Variants in AMPH observed in about 807,000 individuals in gnomAD.
AMPH encodes the protein amphiphysin.
AMPH carries 49 observed loss-of-function variants against 99.1 expected under a neutral mutation model. That is an observed-to-expected ratio of 0.49 (90% CI 0.39 to 0.63). The LOEUF is 0.63. Ranked by LOEUF, AMPH falls within the 20% of genes least tolerant of loss-of-function variation. The pLI is 0.00. For missense variants in AMPH, 759 were observed against 863.4 expected (o/e 0.88, Z 1.52); for synonymous variants, 314 against 317.3 (o/e 0.99, Z 0.11).
intron 1 of AMPH, among the ~76,000 whole-genome samples, chr7:38,613,818 A>AG (rs1264175636): frequency 6.6e-6 from 1 of 151,596 alleles, no homozygotes; most frequent in Non-Finnish European, 1.5e-5. Context: ...AAAAAAAAAA[A>AG]TAGCAGCTTC....
intron 4 of AMPH, among the ~76,000 whole-genome samples, chr7:38,492,868 T>G (rs1241836572): frequency 6.6e-6 from 1 of 152,230 alleles, no homozygotes; most frequent in Non-Finnish European, 1.5e-5. Context: ...TTGTGATGAA[T>G]TTTTAGTTAT....
intron 2 of AMPH, among the ~76,000 whole-genome samples, chr7:38,533,187 C>T (rs747708819): frequency 2.0e-4 from 31 of 152,140 alleles, no homozygotes; most frequent in Non-Finnish European, 3.7e-4. Context: ...TGTGAAGACC[C>T]TCTTCTCCTA....
At chr7:38,439,117 C>T (rs539997827) in intron 11 of AMPH, among the ~76,000 whole-genome samples, 1 of 152,256 alleles carries the variant, frequency 6.6e-6, no homozygotes, top group African/African-American at 2.4e-5. Context: ...TCTCTCCTGC[C>T]ACCATTTAAG....
chr7:38,604,601 G>A (rs1426453951), intron 1 of AMPH, among the ~76,000 whole-genome samples: 1 of 152,180 alleles, frequency 6.6e-6, no homozygotes. Context: ...TTCATCCCAT[G>A]GAGCCTCAGC....
intron 1 of AMPH, among the ~76,000 whole-genome samples, chr7:38,587,621 A>T (rs372950646): frequency 1.0e-3 from 159 of 152,336 alleles, no homozygotes; most frequent in African/African-American, 3.7e-3. Context: ...AATTCTTTGA[A>T]GAAAATATTT....
intron 14 of AMPH, chr7:38,429,542 C>T (rs1372282668): frequency 7.1e-7 from 1 of 1,404,406 alleles, no homozygotes; most frequent in Admixed American, 2.1e-5. Context: ...CCTCCATGAT[C>T]AGGTTACACA....
intron 5 of AMPH, among the ~76,000 whole-genome samples, chr7:38,483,064 C>G (rs1194397798): frequency 6.6e-6 from 1 of 152,076 alleles, no homozygotes; most frequent in Non-Finnish European, 1.5e-5. Context: ...AGCACAGTGC[C>G]ATATAATGAA....
At chr7:38,402,861 T>C (rs1784880296) in intron 17 of AMPH, among the ~76,000 whole-genome samples, 1 of 152,248 alleles carries the variant, frequency 6.6e-6, no homozygotes, top group African/African-American at 2.4e-5. Context: ...AAATGTTGAC[T>C]TTCTTTTTCT....
intron 17 of AMPH, among the ~76,000 whole-genome samples, chr7:38,408,263 T>C (rs1462267304): frequency 6.6e-6 from 1 of 152,246 alleles, no homozygotes; most frequent in African/African-American, 2.4e-5. Context: ...AATGTGAGTG[T>C]ATTCTTATAA....
chr7:38,544,461 C>A (rs113104167), intron 1 of AMPH, among the ~76,000 whole-genome samples: 7 of 152,230 alleles, frequency 4.6e-5, no homozygotes, highest in African/African-American at 1.4e-4. Flanking sequence ...TATCTGGGGT[C>A]CATGAACAGA....
rs1433790860 is a variant in AMPH at position 38,536,305 on chromosome 7, CAAAAT to C, written c.70-1299_70-1295del. ...TACAAGAACTCATTTTCCTGCATAA[CAAAAT>C]AAACAATACACATCCCTTTTTTAAC... On this transcript the variant is annotated intron_variant, in intron 1 of 20. Coordinates refer to ENST00000356264, the MANE Select transcript of AMPH (RefSeq NM_001635.4). Among the ~76,000 whole-genome samples the C allele has an allele frequency of 4.0e-4, 61 of 152,234 alleles. 2 individuals are homozygous for C. Among genetic ancestry groups the C allele is most frequent in the Admixed American group, 4.0e-3 (61 of 15,296 alleles).
chr7:38,520,134 T>C (rs1372117797), intron 2 of AMPH, among the ~76,000 whole-genome samples: 1 of 152,166 alleles, frequency 6.6e-6, no homozygotes, highest in Non-Finnish European at 1.5e-5. Context: ...TTAGAATCAG[T>C]TTAACTATAT....
At chr7:38,525,274 AT>A (rs1790130698) in intron 2 of AMPH, among the ~76,000 whole-genome samples, 1 of 52,224 alleles carries the variant, frequency 1.9e-5, no homozygotes, top group South Asian at 6.9e-4. Context: ...ATATATATAT[AT>A]ATAGAGAGAG....
chr7:38,591,369 C>T (rs1233463688), intron 1 of AMPH, among the ~76,000 whole-genome samples: 1 of 150,602 alleles, frequency 6.6e-6, no homozygotes, highest in East Asian at 1.9e-4. Context: ...CTCACTGCAA[C>T]CTCTACCTCC....
chr7:38,528,386 T>C (rs1435468312), intron 2 of AMPH, among the ~76,000 whole-genome samples: 1 of 152,190 alleles, frequency 6.6e-6, no homozygotes, highest in Non-Finnish European at 1.5e-5. Context: ...TTTTTTCAGA[T>C]TTTAAATCAC....
intron 2 of AMPH, among the ~76,000 whole-genome samples, chr7:38,526,104 C>T (rs1286507365): frequency 6.6e-6 from 1 of 152,120 alleles, no homozygotes; most frequent in Non-Finnish European, 1.5e-5. Context: ...CAGCATTTAG[C>T]ATTGTCACTA....
chr7:38,431,375 A>C (rs1166628309), intron 13 of AMPH, among the ~76,000 whole-genome samples: 2 of 152,186 alleles, frequency 1.3e-5, no homozygotes, highest in African/African-American at 4.8e-5. Context: ...GAAATTGCTC[A>C]GGCTGGCCGC....
chr7:38,411,176 G>A (rs1321632903), intron 17 of AMPH, among the ~76,000 whole-genome samples: 2 of 152,140 alleles, frequency 1.3e-5, no homozygotes, highest in Non-Finnish European at 2.9e-5. Flanking sequence ...TCTGTAAAAC[G>A]AGGGACCTGA....
chr7:38,576,705 G>A (rs998294762), intron 1 of AMPH, among the ~76,000 whole-genome samples: 9 of 152,070 alleles, frequency 5.9e-5, no homozygotes, highest in Admixed American at 3.3e-4. Context: ...CTAAAGAAAC[G>A]AGACAGAACC....
Sources: gnomAD v4.1 joint callset for allele counts (sites outside exome capture counted in the v4.1 genomes callset) on GRCh38, gnomAD v4.1.1 for gene constraint, MANE v1.5 for transcripts, NCBI Gene and HGNC (gene_info 2026-07-23, HGNC 2026-07-21) for gene names.